BCL7A: variants seen among roughly 807,000 people sequenced by gnomAD.
BCL7A encodes BAF chromatin remodeling complex subunit BCL7A, also known as B-cell CLL/lymphoma 7 protein family member A.
BCL7A carries 11 observed loss-of-function variants against 28.4 expected under a neutral mutation model. That is an observed-to-expected ratio of 0.39 (90% CI 0.24 to 0.64). BCL7A has a LOEUF of 0.64. Ranked by LOEUF, BCL7A falls within the 30% of genes least tolerant of loss-of-function variation. BCL7A has a pLI of 0.50. For synonymous variants in BCL7A, 123 were observed against 103.3 expected, an observed-to-expected ratio of 1.19 and a Z score of -1.15; for missense variants, 222 against 274.8, an observed-to-expected ratio of 0.81 and a Z score of 1.36.
intron 3 of BCL7A, among the ~76,000 whole-genome samples, chr12:122,037,632 A>G (rs1408675815): frequency 6.6e-6 from 1 of 151,904 alleles, no homozygotes; most frequent in East Asian, 1.9e-4. Context: ...CCTGGCCAAC[A>G]TGGTGAAACC....
intron 5 of BCL7A, among the ~76,000 whole-genome samples, chr12:122,057,202 A>C (rs1424961482): frequency 6.6e-6 from 1 of 152,172 alleles, no homozygotes; most frequent in African/African-American, 2.4e-5. Context: ...CCAGGCTGGG[A>C]CGGTGAGCTC....
intron 4 of BCL7A, among the ~76,000 whole-genome samples, chr12:122,054,241 C>T (rs1884259616): frequency 6.6e-6 from 1 of 152,070 alleles, no homozygotes; most frequent in Non-Finnish European, 1.5e-5. Context: ...CCCGCCGCCA[C>T]CACGCCCGGC....
intron 1 of BCL7A, among the ~76,000 whole-genome samples, chr12:122,030,220 C>T (rs1883712723): frequency 6.6e-6 from 1 of 152,226 alleles, no homozygotes; most frequent in African/African-American, 2.4e-5. Flanking sequence ...CCCGGCTTGC[C>T]TGCTCATGCC....
intron 3 of BCL7A, among the ~76,000 whole-genome samples, chr12:122,041,093 AAATC>A (rs1242810550): frequency 5.3e-5 from 8 of 152,088 alleles, no homozygotes; most frequent in Non-Finnish European, 8.8e-5. Context: ...AGTACAGTTA[AAATC>A]AGATCCAGGT....
In BCL7A at chr12:122,024,235, C is replaced by G. The variant is rs182868100; in HGVS notation, c.92+2052C>G. ...ACCTCAGGCTTTGGGATCTCATGGT[C>G]CAGCTTCCAGTTCACTTCGTTGCCG... is the stretch of plus-strand genomic sequence containing the variant. On this transcript the variant is annotated intron_variant, in intron 1 of 5. Coordinates refer to ENST00000261822, the MANE Select transcript of BCL7A (RefSeq NM_001024808.3). Among the ~76,000 whole-genome samples, 283 of 152,306 alleles carry G rather than the reference C, an allele frequency of 1.9e-3. 2 individuals carry two copies. The highest frequency in any genetic ancestry group is 6.7e-3 in the African/African-American group (278 of 41,576).
chr12:122,024,060 G>T (rs2135835589), intron 1 of BCL7A, among the ~76,000 whole-genome samples: 1 of 152,202 alleles, frequency 6.6e-6, no homozygotes, highest in Admixed American at 6.5e-5. Flanking sequence ...GGAGAGATGG[G>T]GCTTCCCACC....
chr12:122,049,225 TAAA>T (rs72232692), intron 4 of BCL7A, among the ~76,000 whole-genome samples: 2 of 119,730 alleles, frequency 1.7e-5, no homozygotes, highest in Non-Finnish European at 1.7e-5. Context: ...GACCCTGTCT[TAAA>T]AAAAAAAAAA....
rs1452395303 is a variant in BCL7A at position 122,054,852 on chromosome 12, A to T, written c.487A>T (p.Asn163Tyr). Residue 163 changes from asparagine (N) to tyrosine (Y), a missense_variant, in exon 5 of 6, where the codon AAC becomes TAC. By Grantham distance (143) the Asn-to-Tyr change is moderately radical. Coordinates refer to ENST00000261822, the MANE Select transcript of BCL7A (RefSeq NM_001024808.3). ...NSQSSMEHSM[N>Y]SSEKVDRQPS... is the part of the protein sequence containing the mutation. The stretch of plus-strand genomic sequence containing the variant: ...ACAGTCCTCGATGGAACATTCGATG[A>T]ACAGCTCAGAGAAAGTAGATCGGCA... 6.2e-7 allele frequency: 1 copy of T among 1,614,232 alleles called. No homozygotes were observed. The highest frequency in any genetic ancestry group is 8.5e-7 in the Non-Finnish European group (1 of 1,180,044).
At chr12:122,041,084 G>A (rs1184260013) in intron 3 of BCL7A, among the ~76,000 whole-genome samples, 1 of 151,960 alleles carries the variant, frequency 6.6e-6, no homozygotes, top group Non-Finnish European at 1.5e-5. Flanking sequence ...GCACCCCAGA[G>A]TACAGTTAAA....
In BCL7A at chr12:122,056,821, GA is replaced by G. The variant is rs144941417; in HGVS notation, c.561+1901del. ...ACCCTGTCTCAAAAAAATAAATACA[GA>G]AAAAAGGAGAGAAAGGACAGAAAGG... On this transcript the variant is annotated intron_variant, in intron 5 of 5. Coordinates refer to ENST00000261822, the MANE Select transcript of BCL7A (RefSeq NM_001024808.3). Among the ~76,000 whole-genome samples, 944 of 152,016 alleles carry G rather than the reference GA, an allele frequency of 6.2e-3. 10 individuals carry two copies. The highest frequency in any genetic ancestry group is 0.021 in the African/African-American group (879 of 41,490).
chr12:122,022,727 G>A (rs912206298), intron 1 of BCL7A, among the ~76,000 whole-genome samples: 1 of 149,418 alleles, frequency 6.7e-6, no homozygotes, highest in African/African-American at 2.4e-5. Flanking sequence ...CCCGCCTCCC[G>A]GGCCCGGCGC....
chr12:122,043,207 C>G (rs1883995320), intron 3 of BCL7A, among the ~76,000 whole-genome samples: 1 of 152,068 alleles, frequency 6.6e-6, no homozygotes, highest in African/African-American at 2.4e-5. Context: ...CGCTTCCCTG[C>G]CAGACACACA....
chr12:122,043,571 G>A (rs951282417), intron 3 of BCL7A, among the ~76,000 whole-genome samples: 9 of 152,098 alleles, frequency 5.9e-5, no homozygotes, highest in South Asian at 2.1e-4. Flanking sequence ...TCAGGAGTTC[G>A]AGACGGGTCT....
intron 3 of BCL7A, among the ~76,000 whole-genome samples, chr12:122,042,737 G>A (rs1883986557): frequency 6.6e-6 from 1 of 151,736 alleles, no homozygotes; most frequent in South Asian, 2.1e-4. Context: ...AAATTTCCCT[G>A]CCTCATGACA....
chr12:122,039,543 A>T (rs1883927742), intron 3 of BCL7A, among the ~76,000 whole-genome samples: 1 of 143,472 alleles, frequency 7.0e-6, no homozygotes, highest in South Asian at 2.1e-4. Context: ...TATAATATAT[A>T]ATATAATTAT....
chr12:122,037,554 A>G lies in BCL7A; in HGVS notation c.271+2127A>G, dbSNP rs369702746. ...TAGAAAAGCACAGTGGCGGTGGCTC[A>G]TGCCTGTAATCCTAGCACTTTGGGA... is the stretch of plus-strand genomic sequence containing the variant. On this transcript the variant is annotated intron_variant, in intron 3 of 5. Transcript: ENST00000261822. 4.0e-3 allele frequency among the ~76,000 whole-genome samples: 603 copies of G among 152,312 alleles called. 2 individuals are homozygous for G. Among genetic ancestry groups the G allele is most frequent in the African/African-American group, 0.014 (578 of 41,576 alleles).
At chr12:122,049,368 A>C (rs1388980903) in intron 4 of BCL7A, among the ~76,000 whole-genome samples, 1 of 152,004 alleles carries the variant, frequency 6.6e-6, no homozygotes, top group African/African-American at 2.4e-5. Flanking sequence ...GCTCAATGGG[A>C]TAAGCAATTG....
At chr12:122,033,716 C>G (rs1239013607) in intron 2 of BCL7A, among the ~76,000 whole-genome samples, 1 of 152,180 alleles carries the variant, frequency 6.6e-6, no homozygotes, top group African/African-American at 2.4e-5. Flanking sequence ...CTGAGCCTCC[C>G]AAAGTGCTGG....
At chr12:122,054,680 A>G in intron 4 of BCL7A, 125 bp from the exon 5 acceptor site, 1 of 932,704 alleles carries the variant, frequency 1.1e-6, no homozygotes, top group Non-Finnish European at 1.6e-6. Flanking sequence ...CCCCCAGCTC[A>G]TTGTAGCCTT....
Sources: gnomAD v4.1 joint callset for allele counts (sites outside exome capture counted in the v4.1 genomes callset) on GRCh38, gnomAD v4.1.1 for gene constraint, MANE v1.5 for transcripts, NCBI Gene and HGNC (gene_info 2026-07-23, HGNC 2026-07-21) for gene names.